The following PHACTR1 variants were observed in gnomAD, a reference collection of about 807,000 sequenced individuals.
PHACTR1 encodes the protein phosphatase and actin regulator 1.
PHACTR1 carries 16 observed loss-of-function variants against 69.2 expected under a neutral mutation model. The ratio of observed to expected loss-of-function variants is 0.23; its 90% CI spans 0.16 to 0.35. The LOEUF (loss-of-function observed/expected upper bound fraction) is 0.35, where lower values mean the gene tolerates loss of function less well. PHACTR1 is among the 10% of genes least tolerant of loss of function. The probability of loss-of-function intolerance (pLI) is 1.00; values close to 1 mark genes in which losing one functional copy is unlikely to be tolerated. For missense variants in PHACTR1, 510 were observed against 734.7 expected (o/e 0.69, Z 3.54); for synonymous variants, 312 against 284.5 (o/e 1.10, Z -0.97).
chr6:12,816,164 A>C (rs1290666081), intron 4 of PHACTR1, among the ~76,000 whole-genome samples: 2 of 152,244 alleles, frequency 1.3e-5, no homozygotes, highest in Admixed American at 1.3e-4. Flanking sequence ...TTAGAGATTC[A>C]TGAACATTGG....
intron 4 of PHACTR1, among the ~76,000 whole-genome samples, chr6:12,761,116 A>T (rs970899083): frequency 6.6e-6 from 1 of 152,220 alleles, no homozygotes; most frequent in Non-Finnish European, 1.5e-5. Context: ...TAACGTGTGG[A>T]TAACACTTTC....
intron 7 of PHACTR1, among the ~76,000 whole-genome samples, chr6:13,186,261 C>G (rs1337210418): frequency 6.6e-6 from 1 of 152,226 alleles, no homozygotes; most frequent in Non-Finnish European, 1.5e-5. Flanking sequence ...ATCTGTCTGT[C>G]TATTGAATAA....
intron 4 of PHACTR1, among the ~76,000 whole-genome samples, chr6:12,814,806 C>T (rs1775403687): frequency 6.6e-6 from 1 of 152,204 alleles, no homozygotes; most frequent in African/African-American, 2.4e-5. Context: ...CATTAATCCC[C>T]CACCATTAGT....
intron 6 of PHACTR1, among the ~76,000 whole-genome samples, chr6:13,161,669 T>A (rs1759035863): frequency 6.6e-6 from 1 of 152,180 alleles, no homozygotes; most frequent in African/African-American, 2.4e-5. Context: ...TACTTCTGGG[T>A]TCTGGCGCAT....
At chr6:12,766,139 C>A (rs1768583975) in intron 4 of PHACTR1, among the ~76,000 whole-genome samples, 1 of 152,142 alleles carries the variant, frequency 6.6e-6, no homozygotes, top group Non-Finnish European at 1.5e-5. Context: ...GATACCTGAA[C>A]TTTTAAAAAT....
intron 4 of PHACTR1, among the ~76,000 whole-genome samples, chr6:12,811,584 A>G (rs1465588700): frequency 6.6e-6 from 1 of 152,224 alleles, no homozygotes; most frequent in Non-Finnish European, 1.5e-5. Context: ...TTAGAAAGAT[A>G]TGGTTTGATT....
chr6:12,830,115 AAG>A (rs1491341963), intron 4 of PHACTR1, among the ~76,000 whole-genome samples: 1 of 71,090 alleles, frequency 1.4e-5, no homozygotes, highest in African/African-American at 3.8e-5. Context: ...GAAAGAAAGA[AAG>A]AAAGAAAGAA....
intron 4 of PHACTR1, among the ~76,000 whole-genome samples, chr6:13,037,756 C>T (rs1366696787): frequency 6.6e-6 from 1 of 152,110 alleles, no homozygotes; most frequent in Non-Finnish European, 1.5e-5. Context: ...AGAGATGTTC[C>T]TGGCTGCTGT....
intron 10 of PHACTR1, among the ~76,000 whole-genome samples, chr6:13,244,096 G>A (rs956393388): frequency 1.3e-5 from 2 of 152,116 alleles, no homozygotes; most frequent in African/African-American, 4.8e-5. Flanking sequence ...AAGGGACAGA[G>A]TACAAAAGAG....
chr6:13,117,956 A>G (rs1818057044), intron 5 of PHACTR1, among the ~76,000 whole-genome samples: 1 of 152,226 alleles, frequency 6.6e-6, no homozygotes, highest in Non-Finnish European at 1.5e-5. Flanking sequence ...AAGCCGGAGC[A>G]TAATTTTAAA....
At chr6:13,251,630 T>C (rs942692599) in intron 10 of PHACTR1, among the ~76,000 whole-genome samples, 1 of 152,180 alleles carries the variant, frequency 6.6e-6, no homozygotes, top group African/African-American at 2.4e-5. Flanking sequence ...CACGGACTAA[T>C]GTGTGCCAGG....
At chr6:12,892,993 G>A (rs914510514) in intron 4 of PHACTR1, among the ~76,000 whole-genome samples, 1 of 152,162 alleles carries the variant, frequency 6.6e-6, no homozygotes, top group African/African-American at 2.4e-5. Flanking sequence ...GAGACCTCCA[G>A]AGAAGGAAGA....
intron 4 of PHACTR1, among the ~76,000 whole-genome samples, chr6:13,021,016 T>C (rs1288566755): frequency 6.6e-6 from 1 of 152,208 alleles, no homozygotes; most frequent in African/African-American, 2.4e-5. Flanking sequence ...TGAGATATAA[T>C]TCACGCACCA....
intron 4 of PHACTR1, among the ~76,000 whole-genome samples, chr6:12,751,317 C>G (rs995005557): frequency 7.9e-5 from 12 of 152,188 alleles, no homozygotes; most frequent in Admixed American, 5.2e-4. Flanking sequence ...CTATGGCATG[C>G]TGTAGTAGTC....
chr6:12,836,695 C>T (rs1465744556), intron 4 of PHACTR1, among the ~76,000 whole-genome samples: 2 of 152,178 alleles, frequency 1.3e-5, no homozygotes, highest in African/African-American at 4.8e-5. Flanking sequence ...CCTGCTTCCT[C>T]ACAGTTGTTT....
chr6:13,248,016 A>C (rs1299287452), intron 10 of PHACTR1, among the ~76,000 whole-genome samples: 5 of 152,234 alleles, frequency 3.3e-5, no homozygotes, highest in African/African-American at 4.8e-5. Flanking sequence ...ATCCTCCTTC[A>C]ATTACTCGGC....
intron 5 of PHACTR1, among the ~76,000 whole-genome samples, chr6:13,134,310 A>G (rs1583515957): frequency 6.6e-6 from 1 of 152,344 alleles, no homozygotes; most frequent in East Asian, 1.9e-4. Flanking sequence ...CAGCTCATTG[A>G]GAAGGGTCCA....
intron 4 of PHACTR1, among the ~76,000 whole-genome samples, chr6:12,842,362 G>T (rs962224824): frequency 6.6e-6 from 1 of 152,148 alleles, no homozygotes; most frequent in Non-Finnish European, 1.5e-5. Context: ...GATAGTAAGG[G>T]TGTCATATTT....
intron 8 of PHACTR1, among the ~76,000 whole-genome samples, chr6:13,220,411 T>C (rs984388079): frequency 1.3e-5 from 2 of 152,240 alleles, no homozygotes; most frequent in African/African-American, 4.8e-5. Flanking sequence ...AAATTCATTA[T>C]AGAATGTTAG....
Sources: allele counts gnomAD v4.1 joint callset (sites outside exome capture counted in the v4.1 genomes callset), GRCh38; gene constraint gnomAD v4.1.1; transcripts MANE v1.5; gene names NCBI Gene and HGNC (gene_info 2026-07-23, HGNC 2026-07-21).